Variants in CDC42BPA observed in about 807,000 individuals in gnomAD.
CDC42BPA encodes serine/threonine-protein kinase MRCK alpha.
In CDC42BPA, 80 loss-of-function variants were observed where a neutral mutation model predicts 223.5. The ratio of observed to expected loss-of-function variants is 0.36; its 90% CI spans 0.30 to 0.43. The LOEUF (loss-of-function observed/expected upper bound fraction) is 0.43, where lower values mean the gene tolerates loss of function less well. Among genes scored for constraint, CDC42BPA ranks in the 20% least tolerant of loss-of-function variants. The probability of loss-of-function intolerance (pLI) is 1.00; values close to 1 mark genes in which losing one functional copy is unlikely to be tolerated. For synonymous variants in CDC42BPA, 694 were observed against 718.6 expected, an observed-to-expected ratio of 0.97 and a Z score of 0.55; for missense variants, 1,743 against 2,099.9, an observed-to-expected ratio of 0.83 and a Z score of 3.32.
intron 30 of CDC42BPA, 54 bp from the exon 31 acceptor site, chr1:227,026,206 C>G (rs1221056156): frequency 1.3e-5 from 12 of 948,610 alleles, no homozygotes; most frequent in Non-Finnish European, 1.8e-5. Flanking sequence ...TATTAAACCC[C>G]AAATATTTTG....
chr1:227,008,082 G>A (rs2148404282), intron 34 of CDC42BPA, among the ~76,000 whole-genome samples: 1 of 152,178 alleles, frequency 6.6e-6, no homozygotes, highest in East Asian at 1.9e-4. Context: ...TTCTTATACT[G>A]ACTGTTATTA....
chr1:227,114,104 T>C (rs1387678326), intron 12 of CDC42BPA, among the ~76,000 whole-genome samples: 2 of 151,614 alleles, frequency 1.3e-5, no homozygotes, highest in Non-Finnish European at 2.9e-5. Flanking sequence ...TCTACATTTA[T>C]GAATCAAGAA....
chr1:227,066,044 C>T (rs897473912), intron 21 of CDC42BPA, among the ~76,000 whole-genome samples: 2 of 152,142 alleles, frequency 1.3e-5, no homozygotes, highest in Non-Finnish European at 2.9e-5. Context: ...GCATCAAGCA[C>T]AATATAACTA....
intron 12 of CDC42BPA, among the ~76,000 whole-genome samples, chr1:227,115,657 T>A (rs1423543667): frequency 6.6e-6 from 1 of 152,028 alleles, no homozygotes; most frequent in Non-Finnish European, 1.5e-5. Flanking sequence ...ATGAAGCAAG[T>A]CTCAGTAGAT....
intron 2 of CDC42BPA, among the ~76,000 whole-genome samples, chr1:227,253,259 C>CAA (rs1553418816): frequency 1.7e-5 from 2 of 116,650 alleles, no homozygotes; most frequent in East Asian, 3.9e-4. Context: ...AGAGAGAGAG[C>CAA]GAGAGAGAGC....
chr1:227,033,228 T>G (rs1373156737), intron 27 of CDC42BPA, 106 bp downstream of exon 27: 1 of 667,040 alleles, frequency 1.5e-6, no homozygotes. Context: ...TAAAAGAATA[T>G]AAGATTTGGT....
intron 17 of CDC42BPA, among the ~76,000 whole-genome samples, chr1:227,075,248 G>A (rs1034912790): frequency 6.6e-6 from 1 of 152,284 alleles, no homozygotes; most frequent in African/African-American, 2.4e-5. Flanking sequence ...GTGCAGGCTG[G>A]TTGTCTTCAG....
At chr1:227,228,204 A>T (rs72757311) in intron 2 of CDC42BPA, among the ~76,000 whole-genome samples, 25,958 of 152,226 alleles carry the variant, frequency 0.17, 2,258 homozygotes, top group Middle Eastern at 0.2. Context: ...ATGGGTTGAC[A>T]GGAGCAGCAA....
chr1:227,177,797 A>G (rs1019562463), intron 5 of CDC42BPA, among the ~76,000 whole-genome samples: 4 of 152,052 alleles, frequency 2.6e-5, no homozygotes, highest in Non-Finnish European at 5.9e-5. Flanking sequence ...TGCATGTTAC[A>G]CCTTTTCATT....
At chr1:227,194,000 C>T (rs1237894535) in intron 4 of CDC42BPA, 66 bp from the exon 5 acceptor site, 4 of 1,134,422 alleles carry the variant, frequency 3.5e-6, no homozygotes, top group Admixed American at 4.7e-5. Context: ...TATACTGTAT[C>T]CCAAGGTCAA....
At chr1:227,001,053 G>A (rs1366882244) in intron 35 of CDC42BPA, among the ~76,000 whole-genome samples, 4 of 152,166 alleles carry the variant, frequency 2.6e-5, no homozygotes, top group Admixed American at 6.5e-5. Context: ...ACAGGAGCGG[G>A]TCTCATTCCT....
At chr1:227,198,220 C>G (rs1461134019) in intron 4 of CDC42BPA, among the ~76,000 whole-genome samples, 4 of 151,530 alleles carry the variant, frequency 2.6e-5, no homozygotes, top group Non-Finnish European at 5.9e-5. Context: ...GGGGGTCAAG[C>G]TGAGAGGATC....
At position 227,033,317 on chromosome 1, in the gene CDC42BPA, AC is replaced by A; in HGVS notation, c.3558+16del. Reference sequence around the variant, plus strand: ...AAACACATAATTCAGTGATCAAATTACAGCATACACACTTACCCTAAATATA... The same window carrying A: ...AAACACATAATTCAGTGATCAAATTAAGCATACACACTTACCCTAAATATA... On this transcript the variant is annotated intron_variant, in intron 27 of 36. Transcript: ENST00000366766. 6.5e-7 allele frequency: 1 copy of A among 1,530,698 alleles called. No individual in the cohort carries two copies. 94.8% of individuals were successfully genotyped at this position (1,530,698 alleles called of 1,614,324 possible).
chr1:227,287,864 C>A (rs568082553), intron 1 of CDC42BPA, among the ~76,000 whole-genome samples: 5 of 152,240 alleles, frequency 3.3e-5, no homozygotes, highest in African/African-American at 1.2e-4. Flanking sequence ...TCTAGCTATT[C>A]AAAACTGTAG....
intron 5 of CDC42BPA, among the ~76,000 whole-genome samples, chr1:227,189,575 CTGATAGGTGATGGAAT>C (rs1470859068): frequency 2.0e-5 from 3 of 152,268 alleles, no homozygotes; most frequent in South Asian, 2.1e-4. Context: ...CATGGGGAAT[CTGATAGGTGATGGAAT>C]TAAATCTTCT....
At chr1:227,101,276 AG>A in intron 14 of CDC42BPA, 37 bp from the exon 15 acceptor site, 1 of 1,255,362 alleles carries the variant, frequency 8.0e-7, no homozygotes, top group East Asian at 2.4e-5. Flanking sequence ...TGCATCTACA[AG>A]AATAATAAAA....
chr1:227,069,892 T>C, intron 20 of CDC42BPA, 39 bp from the exon 21 acceptor site: 1 of 1,372,132 alleles, frequency 7.3e-7, no homozygotes, highest in Non-Finnish European at 1.0e-6. Context: ...GCTACAACAA[T>C]TAAAATTGAT....
chr1:227,051,876 G>A lies in CDC42BPA; in HGVS notation c.3009+5C>T, dbSNP rs1172428602. The stretch of plus-strand genomic sequence containing the variant: ...TTGGGGAGCAGGGATGCTCCAATAA[G>A]GCACCTTAACTGGCTCAGCTTCACT... On this transcript the variant is annotated splice_donor_5th_base_variant and intron_variant, in intron 22 of 36. Transcript: ENST00000366766. 1 of 1,360,108 alleles carries A rather than the reference G, an allele frequency of 7.4e-7. No individual in the cohort carries two copies. Among genetic ancestry groups the A allele is most frequent in the Non-Finnish European group, 9.8e-7 (1 of 1,016,080 alleles). 84.3% of individuals were successfully genotyped at this position (1,360,108 alleles called of 1,614,324 possible). A position where few individuals can be genotyped will look rare whatever the true frequency, so the allele number is the denominator to read the frequency against.
At chr1:227,294,451 C>T (rs1184065763) in intron 1 of CDC42BPA, among the ~76,000 whole-genome samples, 1 of 152,090 alleles carries the variant, frequency 6.6e-6, no homozygotes, top group Non-Finnish European at 1.5e-5. Context: ...GAATTCACTA[C>T]ATGTTGGGCA....
Sources: allele counts gnomAD v4.1 joint callset (sites outside exome capture counted in the v4.1 genomes callset), GRCh38; gene constraint gnomAD v4.1.1; transcripts MANE v1.5; gene names NCBI Gene and HGNC (gene_info 2026-07-23, HGNC 2026-07-21).